Variants in PDK1 observed in about 807,000 individuals in gnomAD.
PDK1 encodes [Pyruvate dehydrogenase (acetyl-transferring)] kinase isozyme 1, mitochondrial.
A neutral mutation model predicts 54.2 loss-of-function variants in PDK1; 39 were observed. The ratio of observed to expected loss-of-function variants is 0.72; its 90% CI spans 0.56 to 0.94. The LOEUF is 0.94. Ranked by LOEUF, PDK1 falls within the 40% of genes least tolerant of loss-of-function variation. The pLI is 0.00. For missense variants in PDK1, 552 were observed against 566.0 expected, an observed-to-expected ratio of 0.98 and a Z score of 0.25; for synonymous variants, 221 against 207.1, an observed-to-expected ratio of 1.07 and a Z score of -0.58.
At chr2:172,612,729 G>A (rs928888361), downstream of PDK1, among the ~76,000 whole-genome samples, 1 of 151,852 alleles carries the variant, frequency 6.6e-6, no homozygotes, top group South Asian at 2.1e-4. Context: ...GTGCAATGGC[G>A]TGATCTCAGC....
the PDK1 span, among the ~76,000 whole-genome samples, chr2:172,659,799 A>C: frequency 0.15 from 22,590 of 152,214 alleles, 2,944 homozygotes; most frequent in East Asian, 0.53. Flanking sequence ...CAAGCCCTGC[A>C]TGACTGTCTA....
chr2:172,615,263 ACAG>A, the PDK1 span, among the ~76,000 whole-genome samples: 1 of 152,216 alleles, frequency 6.6e-6, no homozygotes, highest in Non-Finnish European at 1.5e-5. Flanking sequence ...TACTCTGAAA[ACAG>A]CAGCACTGTT....
chr2:172,583,542 C>T (rs1308740178), intron 8 of PDK1, among the ~76,000 whole-genome samples: 1 of 151,872 alleles, frequency 6.6e-6, no homozygotes, highest in African/African-American at 2.4e-5. Context: ...GATTCGCCGG[C>T]CTTGCCTCCC....
the PDK1 span, among the ~76,000 whole-genome samples, chr2:172,697,035 A>G: frequency 1.2e-4 from 19 of 152,124 alleles, no homozygotes; most frequent in Middle Eastern, 6.8e-3. Context: ...ATATAAATCC[A>G]CTTCTGCTTG....
chr2:172,605,949 A>G lies in PDK1; in HGVS notation c.*9980A>G, dbSNP rs1691277354. ...TAGATGCTATAATTTCTGCAGTCCA[A>G]TCACTATTCTTCCCAAACTCCATGA... On this transcript the variant is annotated 3_prime_UTR_variant, in exon 11 of 11. Coordinates refer to ENST00000282077, the MANE Select transcript of PDK1 (RefSeq NM_002610.5). 6.6e-6 allele frequency: 1 copy of G among 151,924 alleles called. No homozygotes were observed. Among genetic ancestry groups the G allele is most frequent in the Non-Finnish European group, 1.5e-5 (1 of 68,030 alleles). 9.4% of individuals were successfully genotyped at this position (151,924 alleles called of 1,614,324 possible).
chr2:172,620,223 G>T, the PDK1 span, among the ~76,000 whole-genome samples: 1 of 152,286 alleles, frequency 6.6e-6, no homozygotes, highest in African/African-American at 2.4e-5. Context: ...TCAGACAAAG[G>T]CTGTTGAAAT....
the PDK1 span, among the ~76,000 whole-genome samples, chr2:172,636,081 T>A: frequency 6.6e-6 from 1 of 152,196 alleles, no homozygotes; most frequent in South Asian, 2.1e-4. Flanking sequence ...CCAGTGGCCT[T>A]GGCCTCTCCA....
the PDK1 span, among the ~76,000 whole-genome samples, chr2:172,653,710 A>G: frequency 6.6e-6 from 1 of 152,242 alleles, no homozygotes; most frequent in Non-Finnish European, 1.5e-5. Context: ...GGACATAGGC[A>G]TGGGCAAGGA....
the PDK1 span, among the ~76,000 whole-genome samples, chr2:172,621,371 C>T: frequency 1.3e-5 from 2 of 152,016 alleles, no homozygotes; most frequent in African/African-American, 4.8e-5. Flanking sequence ...GCCTCTCAGC[C>T]TACATCTTTC....
the PDK1 span, among the ~76,000 whole-genome samples, chr2:172,666,754 G>A: frequency 1.3e-5 from 2 of 152,092 alleles, no homozygotes; most frequent in Non-Finnish European, 2.9e-5. Context: ...CTAGAAGGGG[G>A]TTATTTACTG....
the PDK1 span, among the ~76,000 whole-genome samples, chr2:172,662,784 A>C: frequency 6.6e-6 from 1 of 152,156 alleles, no homozygotes; most frequent in African/African-American, 2.4e-5. Context: ...AATTTCTAGA[A>C]AAAAGGTGCA....
At chr2:172,640,495 A>T in the PDK1 span, among the ~76,000 whole-genome samples, 16 of 152,176 alleles carry the variant, frequency 1.1e-4, no homozygotes, top group African/African-American at 2.9e-4. Context: ...GAGAGAAAAA[A>T]ATATATATAT....
At chr2:172,586,207 CTA>C in intron 8 of PDK1, 69 bp from the exon 9 acceptor site, 1 of 842,662 alleles carries the variant, frequency 1.2e-6, no homozygotes. Flanking sequence ...AACTGTGATG[CTA>C]TGAGTATGTG....
intron 5 of PDK1, among the ~76,000 whole-genome samples, chr2:172,566,062 A>G (rs911303220): frequency 2.0e-5 from 3 of 152,256 alleles, no homozygotes; most frequent in African/African-American, 7.2e-5. Context: ...TATCTCCAAA[A>G]AGGTTTCAAA....
the PDK1 span, among the ~76,000 whole-genome samples, chr2:172,705,390 T>A: frequency 6.6e-6 from 1 of 152,236 alleles, no homozygotes; most frequent in Non-Finnish European, 1.5e-5. Flanking sequence ...ATTCTTGACA[T>A]TTTAAGTCTA....
the PDK1 span, among the ~76,000 whole-genome samples, chr2:172,693,466 C>T: frequency 6.6e-6 from 1 of 152,168 alleles, no homozygotes; most frequent in Non-Finnish European, 1.5e-5. Context: ...TGTTAGCATA[C>T]CTACTTCATA....
At chr2:172,713,943 G>A in the PDK1 span, among the ~76,000 whole-genome samples, 1 of 152,206 alleles carries the variant, frequency 6.6e-6, no homozygotes, top group Admixed American at 6.5e-5. Flanking sequence ...CCTCACAAGA[G>A]CTGCACAGAC....
chr2:172,627,860 C>A, the PDK1 span, among the ~76,000 whole-genome samples: 3 of 152,346 alleles, frequency 2.0e-5, no homozygotes, highest in South Asian at 6.2e-4. Flanking sequence ...GATCTGCTTG[C>A]ACATCCACTT....
intron 10 of PDK1, among the ~76,000 whole-genome samples, chr2:172,594,971 G>A (rs535130056): frequency 6.6e-6 from 1 of 152,264 alleles, no homozygotes; most frequent in Admixed American, 6.5e-5. Context: ...GGCCGGAGAA[G>A]ACACAGATTC....
Sources: gnomAD v4.1 joint callset for allele counts (sites outside exome capture counted in the v4.1 genomes callset) on GRCh38, gnomAD v4.1.1 for gene constraint, MANE v1.5 for transcripts, NCBI Gene and HGNC (gene_info 2026-07-23, HGNC 2026-07-21) for gene names.